Variants in AP2A2 observed in about 807,000 individuals in gnomAD.
The protein encoded by AP2A2 is AP-2 complex subunit alpha-2.
AP2A2 carries 32 observed loss-of-function variants against 104.2 expected under a neutral mutation model. That is an observed-to-expected ratio of 0.31 (90% CI 0.23 to 0.41). AP2A2 has a LOEUF of 0.41. Among genes scored for constraint, AP2A2 ranks in the 10% least tolerant of loss-of-function variants. The pLI is 1.00. For missense variants in AP2A2, 912 were observed against 1,261.0 expected (o/e 0.72, Z 4.19); for synonymous variants, 539 against 533.3 (o/e 1.01, Z -0.15).
At position 977,005 on chromosome 11, in the gene AP2A2, C is replaced by G. The variant is rs910967465; in HGVS notation, c.474-90C>G. 1.0e-4 allele frequency: 156 copies of G among 1,558,644 alleles called. No homozygotes were observed. In the African/African-American group the frequency reaches 1.9e-3, roughly 19 times the overall value. ...TTGGCCCCTGCGCCAGCCCCACCCC[C>G]GCGTCTCCTGCTGGCTCTGGGGGGG... On this transcript the variant is annotated intron_variant, in intron 4 of 21. Transcript: ENST00000448903.
rs537039302 is a variant in AP2A2, at chr11:992,113, C to G, written c.1270-390C>G. ...CCGGGAGCCCAGGGTGGCGCAGTCA[C>G]TGGCCGCCGGGAGCCCAGGGTGGCG... is the stretch of plus-strand genomic sequence containing the variant. On this transcript the variant is annotated intron_variant, in intron 10 of 21. Transcript: ENST00000448903. This position sits in a 1 kb window ranked among gnomAD's most constrained non-coding sequence, Gnocchi z 6.4. Among the ~76,000 whole-genome samples the G allele has an allele frequency of 1.3e-5, 2 of 151,422 alleles. No individual in the cohort carries two copies. The highest frequency in any genetic ancestry group is 3.9e-4 in the East Asian group (2 of 5,126).
chr11:985,447 G>A lies in AP2A2; in HGVS notation c.827G>A (p.Arg276Gln). Residue 276 changes from arginine (R) to glutamine (Q), a missense_variant, in exon 8 of 22, where the codon CGA (arginine) becomes CAA (glutamine). By Grantham distance (43) the Arg-to-Gln change is conservative. Around this residue, in one of 7 missense-constraint regions of AP2A2, gnomAD observed 350 missense variants for 487.0 expected, o/e 0.72. Transcript: ENST00000448903. ...TCTTGCCCAGAAGACCCTGCAGTGC[G>A]AGGCCGCCTGACTGAGTGCCTGGAG... is the stretch of plus-strand genomic sequence containing the variant. Reference protein sequence around the residue: ...QCYPPPDPAVRGRLTECLETI... With the variant: ...QCYPPPDPAVQGRLTECLETI... 1 of 1,613,886 alleles carries A rather than the reference G, an allele frequency of 6.2e-7. No individual in the cohort carries two copies. Among genetic ancestry groups the A allele is most frequent in the Non-Finnish European group, 8.5e-7 (1 of 1,179,866 alleles).
intron 1 of AP2A2, among the ~76,000 whole-genome samples, chr11:953,787 G>C (rs967678447): frequency 1.3e-5 from 2 of 151,592 alleles, no homozygotes; most frequent in African/African-American, 4.8e-5. Context: ...AGGCTCTCCT[G>C]TCCTCAGGTC....
rs565189803 is a variant in AP2A2 at position 947,700 on chromosome 11, C to T, written c.68-11737C>T. ...ACAGGCCAGATGTAGTGGCTCACGC[C>T]GCCTGTAATCCCAGCGCTTTTGGGA... On this transcript the variant is annotated intron_variant, in intron 1 of 21. Transcript: ENST00000448903. Among the ~76,000 whole-genome samples the T allele has an allele frequency of 9.2e-5, 14 of 152,160 alleles. No individual in the cohort carries two copies. In the South Asian group the frequency reaches 1.9e-3, roughly 20 times the overall value.
chr11:996,646 C>A (rs1285766849), intron 14 of AP2A2, among the ~76,000 whole-genome samples: 1 of 152,066 alleles, frequency 6.6e-6, no homozygotes, highest in Non-Finnish European at 1.5e-5. Flanking sequence ...CAGTGTGCTG[C>A]CCTCTGAAAA....
At chr11:998,323 A>ACCCACCCCCATTCTGACCC (rs1855922802) in intron 14 of AP2A2, among the ~76,000 whole-genome samples, 1 of 77,152 alleles carries the variant, frequency 1.3e-5, no homozygotes, top group East Asian at 3.8e-4. Context: ...TCTGACTCTC[A>ACCCACCCCCATTCTGACCC]CCCGCCCCCA....
Position 1,008,088 on chromosome 11 carries a change from G to C in AP2A2, c.2373G>C (p.Glu791Asp). 1 of 1,604,198 alleles carries C rather than the reference G, an allele frequency of 6.2e-7. No individual in the cohort carries two copies. Among genetic ancestry groups the C allele is most frequent in the Non-Finnish European group, 8.5e-7 (1 of 1,176,150 alleles). ...GAQVQQVVNI[E>D]CVSDFTEAPV... The stretch of plus-strand genomic sequence containing the variant: ...AGGTGCAGCAGGTGGTCAACATAGA[G>C]TGCGTGTCCGACTTCACGGAGGCGC... The change falls in exon 18 of 22, where the codon GAG (glutamate) becomes GAC (aspartate). Residue 791 changes from glutamate (E) to aspartate (D), a missense_variant. This residue lies in a region of AP2A2 where 239 missense variants were observed against 329.8 expected (regional missense o/e 0.72). Coordinates refer to ENST00000448903, the MANE Select transcript of AP2A2 (RefSeq NM_012305.4).
chr11:972,990 C>T (rs1445640570), intron 4 of AP2A2, among the ~76,000 whole-genome samples: 1 of 152,254 alleles, frequency 6.6e-6, no homozygotes, highest in Non-Finnish European at 1.5e-5. Context: ...GTCACCAGCT[C>T]TGGAAGAGCT....
rs1186515209 is a variant in AP2A2 at position 951,442 on chromosome 11, G to T, written c.68-7995G>T. 2.6e-5 allele frequency among the ~76,000 whole-genome samples: 4 copies of T among 151,752 alleles called. No individual in the cohort carries two copies. In the East Asian group the frequency reaches 7.8e-4, roughly 30 times the overall value. On this transcript the variant is annotated intron_variant, in intron 1 of 21. Coordinates refer to ENST00000448903, the MANE Select transcript of AP2A2 (RefSeq NM_012305.4). ...CTTGGGAGGCTGAGGCAGGAGAATT[G>T]CTTGAACCTGGGAGGTGGAGGTTGC...
At chr11:1,006,110 C>T (rs1038590775) in intron 16 of AP2A2, among the ~76,000 whole-genome samples, 1 of 152,242 alleles carries the variant, frequency 6.6e-6, no homozygotes, top group African/African-American at 2.4e-5. Context: ...TTGCATGTTG[C>T]AGTCATGGGG....
At chr11:1,010,206 G>A (rs1856373554) in intron 21 of AP2A2, 2 of 490,116 alleles carry the variant, frequency 4.1e-6, no homozygotes, top group Admixed American at 6.9e-5. Flanking sequence ...TCCCGTTCTG[G>A]CGACGGACAC....
chr11:981,737 C>T (rs376099318), intron 6 of AP2A2, among the ~76,000 whole-genome samples: 50 of 152,388 alleles, frequency 3.3e-4, no homozygotes, highest in African/African-American at 1.1e-3. Flanking sequence ...TTTGATGCTT[C>T]ATAGAATTGG....
chr11:1,008,976 C>T (rs1369533876), intron 18 of AP2A2, 124 bp from the exon 19 acceptor site: 7 of 762,782 alleles, frequency 9.2e-6, no homozygotes, highest in Middle Eastern at 3.8e-4. Flanking sequence ...AAGGCTCGGC[C>T]CCCCGACCCG....
At chr11:967,432 G>C (rs1437201537) in intron 2 of AP2A2, among the ~76,000 whole-genome samples, 2 of 151,908 alleles carry the variant, frequency 1.3e-5, no homozygotes, top group Non-Finnish European at 1.5e-5. Context: ...CGCGATCTCG[G>C]CTCACTGCAA....
chr11:978,003 C>T (rs1027127543), intron 5 of AP2A2, among the ~76,000 whole-genome samples: 2 of 152,114 alleles, frequency 1.3e-5, no homozygotes, highest in East Asian at 1.9e-4. Flanking sequence ...TCCCGTGGAC[C>T]GTGGGAGGTC....
intron 4 of AP2A2, 91 bp from the exon 5 acceptor site, chr11:977,004 C>CGA (rs1855064521): frequency 1.3e-6 from 2 of 1,557,144 alleles, no homozygotes; most frequent in African/African-American, 2.7e-5. Flanking sequence ...AGCCCCACCC[C>CGA]CGCGTCTCCT....
Position 1,009,416 on chromosome 11 carries a change from C to T in AP2A2, c.2607+19C>T, listed in dbSNP as rs7126709. 549,582 of 1,600,130 alleles carry T rather than the reference C, an allele frequency of 0.34. 97,532 individuals are homozygous for T. The highest frequency in any genetic ancestry group is 0.55 in the Admixed American group (32,411 of 59,358). ...AGCCAAGGTAACACGTCTGGAGGGA[C>T]GGCCCCGGGGGACACGCAGCCCGTG... On this transcript the variant is annotated intron_variant, in intron 20 of 21. Coordinates refer to ENST00000448903, the MANE Select transcript of AP2A2 (RefSeq NM_012305.4).
chr11:940,851 G>A, intron 1 of AP2A2: 1 of 456,276 alleles, frequency 2.2e-6, no homozygotes, highest in Non-Finnish European at 4.4e-6. Flanking sequence ...CCTGAATGCT[G>A]GTTCAGTTCT....
chr11:983,145 G>A (rs911519473), intron 6 of AP2A2, among the ~76,000 whole-genome samples: 2 of 149,206 alleles, frequency 1.3e-5, no homozygotes, highest in African/African-American at 5.0e-5. Flanking sequence ...AGCCTCCCGA[G>A]TAGCTGGGAC....
Sources: allele counts gnomAD v4.1 joint callset (sites outside exome capture counted in the v4.1 genomes callset), GRCh38; gene constraint gnomAD v4.1.1; regional missense constraint gnomAD v4.1.1; non-coding constraint Gnocchi (gnomAD v3.1); transcripts MANE v1.5; gene names NCBI Gene and HGNC (gene_info 2026-07-23, HGNC 2026-07-21).